Variants in ARPP21 observed in about 807,000 individuals in gnomAD.
ARPP21 encodes cAMP regulated phosphoprotein 21, also known as cAMP-regulated phosphoprotein 21.
Under a neutral mutation model 113.2 loss-of-function variants are expected in ARPP21, and 69 were observed. The ratio of observed to expected loss-of-function variants is 0.61; its 90% CI spans 0.50 to 0.74. The LOEUF is 0.74. ARPP21 is among the 30% of genes least tolerant of loss of function. The pLI, the probability that ARPP21 is intolerant of heterozygous loss-of-function variation, is 0.00. For missense variants in ARPP21, 1,070 were observed against 1,037.4 expected, an observed-to-expected ratio of 1.03 and a Z score of -0.43; for synonymous variants, 368 against 375.5, an observed-to-expected ratio of 0.98 and a Z score of 0.23.
At chr3:35,742,166 G>A (rs190493601) in intron 18 of ARPP21, among the ~76,000 whole-genome samples, 1 of 152,296 alleles carries the variant, frequency 6.6e-6, no homozygotes, top group Admixed American at 6.5e-5. Context: ...TAAGAAGGGA[G>A]ATCAAGGAAT....
intron 2 of ARPP21, among the ~76,000 whole-genome samples, 166 bp downstream of exon 2, chr3:35,680,126 TC>T (rs1218839375): frequency 6.6e-6 from 1 of 151,946 alleles, no homozygotes; most frequent in Non-Finnish European, 1.5e-5. Context: ...ATTTGTTCAC[TC>T]CATTTTAAAT....
intron 1 of ARPP21, among the ~76,000 whole-genome samples, chr3:35,659,223 C>T (rs1007854786): frequency 1.3e-5 from 2 of 152,162 alleles, no homozygotes; most frequent in Non-Finnish European, 2.9e-5. Context: ...CGTCCCAGCA[C>T]ACATACATAC....
chr3:35,655,412 A>T (rs1575472482), intron 1 of ARPP21, among the ~76,000 whole-genome samples: 5 of 152,118 alleles, frequency 3.3e-5, no homozygotes, highest in Admixed American at 3.3e-4. Context: ...CATTAAGGCT[A>T]GGATAATAGA....
chr3:35,786,181 T>C (rs1170856936), intron 19 of ARPP21, among the ~76,000 whole-genome samples: 1 of 152,168 alleles, frequency 6.6e-6, no homozygotes, highest in Non-Finnish European at 1.5e-5. Context: ...TTTGTAAACA[T>C]GTTTAAAAAT....
intron 10 of ARPP21, among the ~76,000 whole-genome samples, chr3:35,708,204 G>A: frequency 6.6e-6 from 1 of 152,038 alleles, no homozygotes; most frequent in East Asian, 1.9e-4. Context: ...GGATGAATGT[G>A]GTTAGTGCAG....
At chr3:35,693,227 G>A (rs1559640356) in intron 9 of ARPP21, among the ~76,000 whole-genome samples, 3 of 151,560 alleles carry the variant, frequency 2.0e-5, no homozygotes, top group South Asian at 2.1e-4. Flanking sequence ...ACACCCTTTC[G>A]TGAGTCAAAG....
At chr3:35,688,238 A>G (rs376729805) in intron 6 of ARPP21, among the ~76,000 whole-genome samples, 1 of 151,550 alleles carries the variant, frequency 6.6e-6, no homozygotes, top group Non-Finnish European at 1.5e-5. Flanking sequence ...ACCAAGTTTG[A>G]TATCTTAACT....
chr3:35,687,920 G>T, intron 6 of ARPP21, 37 bp downstream of exon 6: 1 of 1,557,660 alleles, frequency 6.4e-7, no homozygotes, highest in South Asian at 1.2e-5. Flanking sequence ...TACTCAATTT[G>T]GGCACACACA....
Position 35,794,143 on chromosome 3 carries a change from T to C in ARPP21, c.*185T>C. On this transcript the variant is annotated 3_prime_UTR_variant, in exon 21 of 21. Coordinates refer to ENST00000684406, the MANE Select transcript of ARPP21 (RefSeq NM_001385562.1). ...AGCTGGTTAATGGTGCATATTTCTG[T>C]CATGTCTGCTAGGTATGCCTTTATA... 1.6e-6 allele frequency: 1 copy of C among 623,130 alleles called. No homozygotes were observed. 38.6% of individuals were successfully genotyped at this position (623,130 alleles called of 1,614,324 possible).
At chr3:35,762,379 T>G (rs1032698236) in intron 19 of ARPP21, among the ~76,000 whole-genome samples, 4 of 152,124 alleles carry the variant, frequency 2.6e-5, no homozygotes, top group African/African-American at 9.6e-5. Flanking sequence ...TTTTGCTTAT[T>G]TGCTTTCTAC....
intron 19 of ARPP21, chr3:35,774,651 T>G (rs73828913): frequency 0.034 from 5,112 of 152,288 alleles, 148 homozygotes; most frequent in South Asian, 0.11. Flanking sequence ...TTCTTGTGAC[T>G]GGGTTTCTGG....
intron 19 of ARPP21, among the ~76,000 whole-genome samples, chr3:35,763,383 C>T (rs1169202955): frequency 6.6e-6 from 1 of 152,084 alleles, no homozygotes; most frequent in African/African-American, 2.4e-5. Flanking sequence ...CCGTGAGGAC[C>T]ACCTGGAACT....
intron 1 of ARPP21, among the ~76,000 whole-genome samples, chr3:35,668,027 A>AAGAAGG (rs1181658287): frequency 0.01 from 1,363 of 132,252 alleles, 31 homozygotes; most frequent in African/African-American, 0.019. Context: ...GAAGAAGAAG[A>AAGAAGG]AGAAGGAGAA....
intron 19 of ARPP21, among the ~76,000 whole-genome samples, chr3:35,762,563 T>A (rs909908894): frequency 3.9e-5 from 6 of 152,086 alleles, no homozygotes; most frequent in African/African-American, 1.4e-4. Flanking sequence ...GCTAAAGGGC[T>A]GGGAAAGGAA....
At chr3:35,693,843 T>G (rs2082978822) in intron 9 of ARPP21, among the ~76,000 whole-genome samples, 1 of 151,620 alleles carries the variant, frequency 6.6e-6, no homozygotes, top group Admixed American at 6.6e-5. Context: ...GTGAGTTTTG[T>G]GTTTGGGGAA....
intron 19 of ARPP21, among the ~76,000 whole-genome samples, chr3:35,748,318 GAAAA>G (rs1333968509): frequency 3.3e-5 from 3 of 90,848 alleles, no homozygotes; most frequent in African/African-American, 8.9e-5. Context: ...AAGAAAGAAA[GAAAA>G]AGAAAGAAAG....
chr3:35,762,433 G>A (rs1046410080), intron 19 of ARPP21, among the ~76,000 whole-genome samples: 1 of 151,964 alleles, frequency 6.6e-6, no homozygotes, highest in Admixed American at 6.6e-5. Context: ...TATATATGCA[G>A]GTGTGATACT....
rs1389823284 is a variant in ARPP21, at chr3:35,792,398, G to A, written c.2154G>A (p.Leu718=). ...AAQQAGYQPV[L]SGQQGFQGLI... is the part of the protein sequence containing the mutation. ...TCTTCGCAGGTTACCAGCCAGTCTT[G>A]TCTGGTCAACAGGGATTCCAAGGCC... Residue 718 remains leucine, a synonymous_variant, in exon 20 of 21, where the codon TTG becomes TTA. Transcript: ENST00000684406. The A allele has an allele frequency of 2.5e-6, 4 of 1,614,030 alleles. No individual in the cohort carries two copies. Among genetic ancestry groups the A allele is most frequent in the Non-Finnish European group, 3.4e-6 (4 of 1,179,894 alleles).
At chr3:35,642,949 A>C (rs1197483475) in intron 1 of ARPP21, among the ~76,000 whole-genome samples, 1 of 152,126 alleles carries the variant, frequency 6.6e-6, no homozygotes, top group Non-Finnish European at 1.5e-5. Flanking sequence ...AATATTTTAA[A>C]AATATAAGTA....
Sources: gnomAD v4.1 joint callset for allele counts (sites outside exome capture counted in the v4.1 genomes callset) on GRCh38, gnomAD v4.1.1 for gene constraint, MANE v1.5 for transcripts, NCBI Gene and HGNC (gene_info 2026-07-23, HGNC 2026-07-21) for gene names.